The following LRP1B variants were observed in gnomAD, a reference collection of about 807,000 sequenced individuals.
LRP1B encodes LDL receptor related protein 1B.
A neutral mutation model predicts 556.6 loss-of-function variants in LRP1B; 217 were observed. That is an observed-to-expected ratio of 0.39 (90% CI 0.35 to 0.44). The LOEUF (loss-of-function observed/expected upper bound fraction) is 0.44. LRP1B is among the 20% of genes least tolerant of loss of function. The pLI is 1.00. For synonymous variants in LRP1B, 2,047 were observed against 1,865.8 expected, an observed-to-expected ratio of 1.10 and a Z score of -2.50; for missense variants, 5,053 against 5,620.8, an observed-to-expected ratio of 0.90 and a Z score of 3.23.
chr2:140,803,755 G>A (rs1358095093), intron 32 of LRP1B, among the ~76,000 whole-genome samples: 2 of 152,002 alleles, frequency 1.3e-5, no homozygotes, highest in Non-Finnish European at 2.9e-5. Flanking sequence ...ACAAATTGTA[G>A]AAGTAAAGGA....
chr2:141,213,962 A>ATTTGTATT (rs1682675798), intron 6 of LRP1B, among the ~76,000 whole-genome samples: 1 of 152,148 alleles, frequency 6.6e-6, no homozygotes, highest in Non-Finnish European at 1.5e-5. Context: ...TACTTATACT[A>ATTTGTATT]CCAAATACAA....
rs532379358 is a variant in LRP1B at position 141,328,930 on chromosome 2, A to C, written c.344-74289T>G. ...TCTGTTACTATCTCCATTACATATTAACTGGTGATCTTCTTTAAATGACTA... is the reference window on the plus strand; with the variant it reads ...TCTGTTACTATCTCCATTACATATTCACTGGTGATCTTCTTTAAATGACTA... On this transcript the variant is annotated intron_variant, in intron 3 of 90. Coordinates refer to ENST00000389484, the MANE Select transcript of LRP1B (RefSeq NM_018557.3). Among the ~76,000 whole-genome samples, 352 of 152,284 alleles carry C rather than the reference A, an allele frequency of 2.3e-3. 1 individual carries two copies. Among genetic ancestry groups the C allele is most frequent in the African/African-American group, 8.3e-3 (345 of 41,566 alleles).
At chr2:141,872,784 C>G (rs941351786) in intron 1 of LRP1B, among the ~76,000 whole-genome samples, 6 of 151,864 alleles carry the variant, frequency 4.0e-5, no homozygotes, top group African/African-American at 1.5e-4. Flanking sequence ...TGGTATCATA[C>G]TTCTCAACAG....
At chr2:141,184,384 T>C (rs779385946) in intron 7 of LRP1B, among the ~76,000 whole-genome samples, 1 of 151,900 alleles carries the variant, frequency 6.6e-6, no homozygotes, top group Non-Finnish European at 1.5e-5. Flanking sequence ...AAAAAAATCA[T>C]CTGACCTTTC....
chr2:140,802,079 C>T (rs1219644120), intron 32 of LRP1B, among the ~76,000 whole-genome samples: 3 of 152,062 alleles, frequency 2.0e-5, no homozygotes, highest in Admixed American at 2.0e-4. Context: ...TATAGAACCG[C>T]TATAGAAAAA....
chr2:141,348,506 T>C (rs1397512929), intron 3 of LRP1B, among the ~76,000 whole-genome samples: 2 of 151,988 alleles, frequency 1.3e-5, no homozygotes, highest in African/African-American at 4.8e-5. Context: ...CATTTGGGCA[T>C]TAGTTTAATG....
intron 1 of LRP1B, among the ~76,000 whole-genome samples, chr2:142,123,941 A>T (rs1460575181): frequency 6.6e-6 from 1 of 151,970 alleles, no homozygotes; most frequent in Non-Finnish European, 1.5e-5. Flanking sequence ...CGTATTTACA[A>T]CTATTCTGCA....
At chr2:141,749,856 G>A (rs1694046839) in intron 2 of LRP1B, among the ~76,000 whole-genome samples, 1 of 152,204 alleles carries the variant, frequency 6.6e-6, no homozygotes. Flanking sequence ...GATTGAAGGT[G>A]ATAATAATGC....
intron 3 of LRP1B, among the ~76,000 whole-genome samples, chr2:141,468,979 G>A (rs1332585752): frequency 6.6e-6 from 1 of 152,100 alleles, no homozygotes; most frequent in African/African-American, 2.4e-5. Context: ...CAACCACAGT[G>A]GGTTGTTGGA....
At chr2:140,554,420 A>G (rs1472114679) in intron 43 of LRP1B, among the ~76,000 whole-genome samples, 1 of 152,136 alleles carries the variant, frequency 6.6e-6, no homozygotes, top group African/African-American at 2.4e-5. Flanking sequence ...ATTTGTGTCA[A>G]TGAAGAGTAT....
At chr2:140,779,079 A>AT (rs1415081373) in intron 32 of LRP1B, among the ~76,000 whole-genome samples, 1 of 134,598 alleles carries the variant, frequency 7.4e-6, no homozygotes, top group Non-Finnish European at 1.6e-5. Context: ...GATCTCAATA[A>AT]TTTTTAAGAC....
At chr2:141,916,807 A>G (rs183020592) in intron 1 of LRP1B, among the ~76,000 whole-genome samples, 1,630 of 152,244 alleles carry the variant, frequency 0.011, 20 homozygotes, top group Non-Finnish European at 0.018. Flanking sequence ...TGAAAAACCA[A>G]CTGTTGGGTA....
At chr2:140,888,789 C>A (rs1277523720) in intron 23 of LRP1B, among the ~76,000 whole-genome samples, 6 of 151,396 alleles carry the variant, frequency 4.0e-5, no homozygotes, top group Admixed American at 4.0e-4. Context: ...CATGGTGAAA[C>A]CCCGTCTCTA....
intron 3 of LRP1B, among the ~76,000 whole-genome samples, chr2:141,335,016 A>T (rs1687795055): frequency 6.6e-6 from 1 of 152,244 alleles, no homozygotes; most frequent in South Asian, 2.1e-4. Flanking sequence ...GTTGATTAAG[A>T]CACTGAATAA....
At chr2:140,553,976 A>G (rs1434759687) in intron 43 of LRP1B, among the ~76,000 whole-genome samples, 2 of 152,066 alleles carry the variant, frequency 1.3e-5, no homozygotes, top group East Asian at 3.9e-4. Flanking sequence ...CAGTTTTTCT[A>G]TGGGGAAGCC....
chr2:141,903,622 C>T (rs1699681508), intron 1 of LRP1B, among the ~76,000 whole-genome samples: 1 of 151,864 alleles, frequency 6.6e-6, no homozygotes, highest in African/African-American at 2.4e-5. Context: ...ATCTATTTTG[C>T]TCTAGTCGGT....
At chr2:140,471,964 T>C (rs1204169842) in intron 60 of LRP1B, among the ~76,000 whole-genome samples, 2 of 152,222 alleles carry the variant, frequency 1.3e-5, no homozygotes, top group African/African-American at 4.8e-5. Flanking sequence ...CTTCTTACAC[T>C]TTCCCTCTAT....
chr2:140,972,943 GATAT>G (rs10558342), intron 18 of LRP1B, among the ~76,000 whole-genome samples: 32,303 of 145,420 alleles, frequency 0.22, 4,187 homozygotes, highest in East Asian at 0.41. Flanking sequence ...GCAGCTTTTT[GATAT>G]ATATATATAT....
chr2:140,315,928 G>C (rs1684501976), intron 82 of LRP1B, among the ~76,000 whole-genome samples: 1 of 152,138 alleles, frequency 6.6e-6, no homozygotes, highest in Non-Finnish European at 1.5e-5. Flanking sequence ...AACAGTGTCA[G>C]AAACATTTCT....
Sources: gnomAD v4.1 joint callset for allele counts (sites outside exome capture counted in the v4.1 genomes callset) on GRCh38, gnomAD v4.1.1 for gene constraint, MANE v1.5 for transcripts, NCBI Gene and HGNC (gene_info 2026-07-23, HGNC 2026-07-21) for gene names.